FSHR: variants seen among roughly 807,000 people sequenced by gnomAD.
FSHR encodes follicle-stimulating hormone receptor.
In FSHR, 46 loss-of-function variants were observed where a neutral mutation model predicts 52.1. The ratio of observed to expected loss-of-function variants is 0.88; its 90% CI spans 0.70 to 1.13. FSHR has a LOEUF of 1.13. Ranked by LOEUF, FSHR falls within the 50% of genes most tolerant of loss-of-function variation. The pLI is 0.00. For synonymous variants in FSHR, 399 were observed against 309.6 expected (o/e 1.29, Z -3.03); for missense variants, 964 against 834.6 (o/e 1.16, Z -1.91).
chr2:48,973,906 C>T (rs1397283707), intron 8 of FSHR, among the ~76,000 whole-genome samples: 1 of 152,058 alleles, frequency 6.6e-6, no homozygotes, highest in Non-Finnish European at 1.5e-5. Context: ...GTTTGTTTGT[C>T]TCCTCAGCCA....
chr2:49,061,728 A>T (rs1669306813), intron 2 of FSHR, among the ~76,000 whole-genome samples: 1 of 132,020 alleles, frequency 7.6e-6, no homozygotes, highest in Non-Finnish European at 1.6e-5. Context: ...ATATATAAAA[A>T]TATATAGCTA....
intron 2 of FSHR, among the ~76,000 whole-genome samples, chr2:49,038,626 AAATAATAATAATAATAAT>A (rs56326531): frequency 1.4e-5 from 1 of 70,602 alleles, no homozygotes; most frequent in African/African-American, 4.9e-5. Flanking sequence ...CTCTGTCTCA[AAATAATAATAATAATAAT>A]AATAATAATA....
At chr2:48,996,900 C>T (rs903388210) in intron 4 of FSHR, among the ~76,000 whole-genome samples, 2 of 152,224 alleles carry the variant, frequency 1.3e-5, no homozygotes, top group Middle Eastern at 3.4e-3. Flanking sequence ...TGAAAAGACT[C>T]GCTACTTTAT....
intron 1 of FSHR, among the ~76,000 whole-genome samples, chr2:49,118,963 C>G (rs372131183): frequency 2.6e-4 from 39 of 152,288 alleles, no homozygotes; most frequent in African/African-American, 8.9e-4. Context: ...ACTGTCTGTA[C>G]TTTCACTATT....
chr2:49,079,492 T>C (rs916011096), intron 1 of FSHR, among the ~76,000 whole-genome samples: 3 of 152,146 alleles, frequency 2.0e-5, no homozygotes, highest in Admixed American at 6.5e-5. Context: ...CCAGGAAATA[T>C]GATTTTTCTA....
chr2:49,013,479 T>TAAATATATATATATATAAATATAA (rs1558389393), intron 4 of FSHR, among the ~76,000 whole-genome samples: 33 of 121,298 alleles, frequency 2.7e-4, no homozygotes, highest in African/African-American at 9.4e-4. Context: ...TATATATATA[T>TAAATATATATATATATAAATATAA]AAATAAATAT....
At chr2:49,097,412 T>C (rs1278901603) in intron 1 of FSHR, among the ~76,000 whole-genome samples, 2 of 152,218 alleles carry the variant, frequency 1.3e-5, no homozygotes, top group Non-Finnish European at 2.9e-5. Context: ...CTTCACAATT[T>C]TGGCTTTTGT....
intron 1 of FSHR, among the ~76,000 whole-genome samples, chr2:49,089,138 GATTT>G (rs1203001393): frequency 7.2e-6 from 1 of 138,190 alleles, no homozygotes; most frequent in African/African-American, 3.0e-5. Context: ...TTTGAGGAAT[GATTT>G]ATTTAATTAT....
At chr2:49,085,499 A>T (rs560060935) in intron 1 of FSHR, among the ~76,000 whole-genome samples, 8 of 152,344 alleles carry the variant, frequency 5.3e-5, no homozygotes, top group African/African-American at 1.9e-4. Flanking sequence ...GGCCAGGGCA[A>T]TTAGGCAGAG....
At chr2:48,997,548 T>G (rs1346646724) in intron 4 of FSHR, among the ~76,000 whole-genome samples, 1 of 152,008 alleles carries the variant, frequency 6.6e-6, no homozygotes, top group Non-Finnish European at 1.5e-5. Context: ...CAAGTCCTCC[T>G]GGCCTTATCA....
chr2:49,080,410 T>G (rs1401257653), intron 1 of FSHR, among the ~76,000 whole-genome samples: 1 of 152,178 alleles, frequency 6.6e-6, no homozygotes, highest in African/African-American at 2.4e-5. Context: ...GCATCATTAC[T>G]AAACCAAAAA....
intron 2 of FSHR, among the ~76,000 whole-genome samples, chr2:49,031,541 T>G (rs981873451): frequency 3.3e-5 from 5 of 152,226 alleles, no homozygotes. Flanking sequence ...ATAATGGAAC[T>G]GATCTAGGTT....
chr2:49,044,332 G>A (rs138484102), intron 2 of FSHR, among the ~76,000 whole-genome samples: 54 of 152,238 alleles, frequency 3.5e-4, no homozygotes, highest in African/African-American at 9.4e-4. Context: ...GAACCCTCTC[G>A]CCTTCCCACC....
At chr2:49,068,348 G>A in intron 1 of FSHR, 58 bp from the exon 2 acceptor site, 1 of 1,382,518 alleles carries the variant, frequency 7.2e-7, no homozygotes, top group Non-Finnish European at 1.0e-6. Context: ...TAATTGAGTT[G>A]CTAATGTATT....
In FSHR at chr2:49,019,363, C is replaced by G. The variant is rs1053852294; in HGVS notation, c.299+723G>C. Among the ~76,000 whole-genome samples the G allele has an allele frequency of 3.9e-5, 6 of 152,168 alleles. 1 individual carries two copies. The highest frequency in any genetic ancestry group is 8.8e-5 in the Non-Finnish European group (6 of 68,048). On this transcript the variant is annotated intron_variant, in intron 3 of 9. Coordinates refer to ENST00000406846, the MANE Select transcript of FSHR (RefSeq NM_000145.4). The stretch of plus-strand genomic sequence containing the variant: ...ATACTTTGAAAAATTGTTGACCAGT[C>G]TCTAAAGTCTCTTCTGGCTTTGACA...
rs547208879 is a variant in FSHR at position 48,962,755 on chromosome 2, A to G, written c.2066T>C (p.Leu689Pro). ...GTTTTAGTTTTGGGCTAAATGACTT[A>G]GAGGGACAAGTATGTAAGTGGAACC... ...TSGSTYILVP[L>P]SHLAQN The change falls in exon 10 of 10, where the codon CTA becomes CCA. Residue 689 changes from leucine to proline, a missense_variant. Transcript: ENST00000406846. The G allele has an allele frequency of 1.2e-6, 2 of 1,614,016 alleles. No individual in the cohort carries two copies. The highest frequency in any genetic ancestry group is 3.3e-5 in the Admixed American group (2 of 60,028).
At chr2:49,079,501 T>C (rs763415379) in intron 1 of FSHR, among the ~76,000 whole-genome samples, 3 of 152,122 alleles carry the variant, frequency 2.0e-5, no homozygotes, top group Non-Finnish European at 2.9e-5. Flanking sequence ...ATGATTTTTC[T>C]AAAGTTAGAG....
At chr2:48,971,623 A>G (rs147548678) in intron 8 of FSHR, among the ~76,000 whole-genome samples, 1 of 152,300 alleles carries the variant, frequency 6.6e-6, no homozygotes, top group East Asian at 1.9e-4. Flanking sequence ...TTAGCTGTCA[A>G]TTAGATCAAA....
In FSHR at chr2:48,973,285, C is replaced by T. The variant is rs1674828639; in HGVS notation, c.669-4402G>A. ...ACACACACACATGCACATGCAAATG[C>T]ACATGCAAATGCACACACACACCCA... On this transcript the variant is annotated intron_variant, in intron 8 of 9. Transcript: ENST00000406846. Among the ~76,000 whole-genome samples the T allele has an allele frequency of 2.0e-5, 3 of 147,176 alleles. No individual in the cohort carries two copies. The South Asian group carries it at 6.3e-4, about 31-fold the overall frequency.
Sources: allele counts gnomAD v4.1 joint callset (sites outside exome capture counted in the v4.1 genomes callset), GRCh38; gene constraint gnomAD v4.1.1; transcripts MANE v1.5; gene names NCBI Gene and HGNC (gene_info 2026-07-23, HGNC 2026-07-21).